Variants in PTGER3 observed in about 807,000 individuals in gnomAD.
PTGER3 encodes prostaglandin E2 receptor EP3 subtype.
Under a neutral mutation model 34.7 loss-of-function variants are expected in PTGER3, and 22 were observed. The observed-to-expected ratio is 0.63, with a 90% CI of 0.45 to 0.91. The LOEUF is 0.91. Ranked by LOEUF, PTGER3 falls within the 40% of genes least tolerant of loss-of-function variation. PTGER3 has a pLI of 0.00. For missense variants in PTGER3, 468 were observed against 519.4 expected, an observed-to-expected ratio of 0.90 and a Z score of 0.96; for synonymous variants, 241 against 230.1, an observed-to-expected ratio of 1.05 and a Z score of -0.43.
chr1:70,860,229 T>G (rs1357069777), intron 4 of PTGER3, among the ~76,000 whole-genome samples: 2 of 152,204 alleles, frequency 1.3e-5, no homozygotes, highest in Non-Finnish European at 2.9e-5. Flanking sequence ...ATATATATTC[T>G]AATGGTCAAA....
intron 4 of PTGER3, among the ~76,000 whole-genome samples, chr1:70,924,999 G>A (rs955577346): frequency 6.6e-6 from 1 of 152,116 alleles, no homozygotes; most frequent in Admixed American, 6.6e-5. Context: ...TTAATATTGA[G>A]TGTTAACATG....
At chr1:70,892,837 C>CAAAAAAAAAAA (rs1176220550) in intron 4 of PTGER3, among the ~76,000 whole-genome samples, 1 of 47,914 alleles carries the variant, frequency 2.1e-5, no homozygotes, top group Non-Finnish European at 5.4e-5. Flanking sequence ...CAAGACTCCT[C>CAAAAAAAAAAA]AAAAAAAAAA....
chr1:70,886,419 C>G, intron 4 of PTGER3: 1 of 319,192 alleles, frequency 3.1e-6, no homozygotes, highest in South Asian at 2.5e-5. Context: ...GATACAATAC[C>G]AATGGAGAGT....
intron 1 of PTGER3, among the ~76,000 whole-genome samples, chr1:71,016,663 C>T (rs1314799756): frequency 6.6e-6 from 1 of 151,846 alleles, no homozygotes; most frequent in East Asian, 1.9e-4. Context: ...ATTAGCCGGG[C>T]ATGATGGTGT....
intron 1 of PTGER3, among the ~76,000 whole-genome samples, chr1:71,032,606 T>A (rs1273807439): frequency 3.5e-4 from 53 of 152,230 alleles, no homozygotes; most frequent in Admixed American, 3.5e-3. Context: ...GTGGGGATTC[T>A]GATACATAGC....
chr1:70,902,680 C>G (rs1012481708), intron 4 of PTGER3, among the ~76,000 whole-genome samples: 9 of 152,174 alleles, frequency 5.9e-5, no homozygotes, highest in Non-Finnish European at 1.2e-4. Context: ...AGGAATTGCA[C>G]AGGGTAGGAA....
intron 2 of PTGER3, among the ~76,000 whole-genome samples, chr1:70,977,143 T>G (rs1293737199): frequency 6.6e-6 from 1 of 152,144 alleles, no homozygotes; most frequent in African/African-American, 2.4e-5. Flanking sequence ...ATCTTCCAAT[T>G]TGAATTTAAC....
chr1:71,013,062 G>C (rs1301595832), intron 1 of PTGER3, among the ~76,000 whole-genome samples: 1 of 152,018 alleles, frequency 6.6e-6, no homozygotes, highest in Non-Finnish European at 1.5e-5. Flanking sequence ...TTCTGGATGA[G>C]CCAGACTAAT....
At chr1:70,861,846 T>A (rs931564942) in intron 4 of PTGER3, among the ~76,000 whole-genome samples, 10 of 152,152 alleles carry the variant, frequency 6.6e-5, no homozygotes, top group Non-Finnish European at 1.2e-4. Flanking sequence ...ATTTTTATGC[T>A]TCTGTGGAAC....
At chr1:70,976,958 G>A (rs1179373923) in intron 2 of PTGER3, among the ~76,000 whole-genome samples, 1 of 152,100 alleles carries the variant, frequency 6.6e-6, no homozygotes, top group African/African-American at 2.4e-5. Flanking sequence ...AAATTGCCAA[G>A]TATATAAGAT....
At chr1:71,009,950 T>C (rs1389792073) in intron 2 of PTGER3, 2 of 985,236 alleles carry the variant, frequency 2.0e-6, no homozygotes, top group Non-Finnish European at 2.4e-6. Flanking sequence ...TCATTTCTTA[T>C]CAGGTTTCCC....
intron 4 of PTGER3, among the ~76,000 whole-genome samples, chr1:70,889,019 A>T (rs995043515): frequency 6.6e-6 from 1 of 152,148 alleles, no homozygotes; most frequent in African/African-American, 2.4e-5. Flanking sequence ...TGTGGTGTTA[A>T]ATATTTCCTC....
intron 2 of PTGER3, among the ~76,000 whole-genome samples, chr1:70,990,477 C>T (rs1655368480): frequency 6.7e-6 from 1 of 149,150 alleles, no homozygotes; most frequent in South Asian, 2.1e-4. Context: ...TATATATACA[C>T]ATATATGCAT....
At chr1:70,900,320 G>A (rs1246383806) in intron 4 of PTGER3, among the ~76,000 whole-genome samples, 1 of 152,020 alleles carries the variant, frequency 6.6e-6, no homozygotes. Flanking sequence ...TGGGGGGAAG[G>A]GGTGTTCTTA....
chr1:71,016,324 G>C (rs1369159482), intron 1 of PTGER3, among the ~76,000 whole-genome samples: 2 of 151,982 alleles, frequency 1.3e-5, no homozygotes, highest in African/African-American at 4.8e-5. Context: ...CAGGTGTAAA[G>C]CTTAATAAAA....
chr1:70,981,901 C>T (rs1047283297), intron 2 of PTGER3, among the ~76,000 whole-genome samples: 3 of 152,038 alleles, frequency 2.0e-5, no homozygotes, highest in Admixed American at 2.0e-4. Flanking sequence ...CTCCAGTGCA[C>T]CCTCCATGCT....
intron 2 of PTGER3, among the ~76,000 whole-genome samples, chr1:70,964,111 C>T (rs1652256089): frequency 1.3e-5 from 2 of 152,112 alleles, no homozygotes; most frequent in South Asian, 2.1e-4. Context: ...TTTCATTGTC[C>T]ACATCACTAT....
chr1:71,046,987 G>T lies in PTGER3; in HGVS notation c.591C>A (p.Gly197=). The T allele has an allele frequency of 6.2e-7, 1 of 1,611,634 alleles. No individual in the cohort carries two copies. Residue 197 remains glycine (G), a synonymous_variant, in exon 1 of 4, where the codon GGC becomes GGA. Coordinates refer to ENST00000306666, the MANE Select transcript of PTGER3 (RefSeq NM_198719.2). ...TCCCGGGCCACTGGACGGTGTACTG[G>T]CCCACGCCCAGCACCGGCAGCAGGG... ...AFALLPVLGV[G]QYTVQWPGTW...
At chr1:70,857,115 C>A (rs1008011346) in intron 4 of PTGER3, among the ~76,000 whole-genome samples, 3 of 152,142 alleles carry the variant, frequency 2.0e-5, no homozygotes, top group African/African-American at 7.2e-5. Flanking sequence ...GTAGAACACA[C>A]AAGAGGAGAA....
Sources: allele counts gnomAD v4.1 joint callset (sites outside exome capture counted in the v4.1 genomes callset), GRCh38; gene constraint gnomAD v4.1.1; transcripts MANE v1.5; gene names NCBI Gene and HGNC (gene_info 2026-07-23, HGNC 2026-07-21).